The following EPG5 variants were observed in gnomAD, a reference collection of about 807,000 sequenced individuals.
EPG5 encodes ectopic P-granules 5 autophagy tethering factor.
A neutral mutation model predicts 302.7 loss-of-function variants in EPG5; 159 were observed. The ratio of observed to expected loss-of-function variants is 0.53; its 90% CI spans 0.46 to 0.60. The LOEUF (loss-of-function observed/expected upper bound fraction) is 0.60. Ranked by LOEUF, EPG5 falls within the 20% of genes least tolerant of loss-of-function variation. EPG5 has a pLI of 0.00. For synonymous variants in EPG5, 1,158 were observed against 1,136.8 expected (o/e 1.02, Z -0.37); for missense variants, 2,896 against 3,092.4 (o/e 0.94, Z 1.51).
chr18:45,912,180 T>C, intron 22 of EPG5, 110 bp downstream of exon 22: 2 of 1,012,760 alleles, frequency 2.0e-6, no homozygotes, highest in Admixed American at 3.1e-5. Context: ...TCACCAGAGA[T>C]CACCAAAGAA....
At chr18:45,933,948 A>G (rs544483026) in intron 11 of EPG5, among the ~76,000 whole-genome samples, 2 of 152,144 alleles carry the variant, frequency 1.3e-5, no homozygotes, top group African/African-American at 4.8e-5. Flanking sequence ...TACAACATAC[A>G]TCTAATTAAA....
At chr18:45,844,142 T>C (rs1338332190), downstream of EPG5, 1 of 151,794 alleles carries the variant, frequency 6.6e-6, no homozygotes, top group Non-Finnish European at 1.5e-5. Context: ...GCAGCCATTA[T>C]GTTAAGGGAA....
At chr18:45,858,445 C>T (rs2048562943) in intron 41 of EPG5, 121 bp downstream of exon 41, 1 of 721,748 alleles carries the variant, frequency 1.4e-6, no homozygotes, top group African/African-American at 1.8e-5. Flanking sequence ...TGTCACCATA[C>T]CTTAAAACCT....
chr18:45,965,326 T>TAA (rs1403533831), intron 1 of EPG5, among the ~76,000 whole-genome samples: 1 of 151,928 alleles, frequency 6.6e-6, no homozygotes, highest in Non-Finnish European at 1.5e-5. Context: ...AAGGGAAGGA[T>TAA]AAAAAAACCA....
Position 45,965,001 on chromosome 18 carries a change from T to C in EPG5, c.63+2176A>G, listed in dbSNP as rs116571987. 6.9e-3 allele frequency among the ~76,000 whole-genome samples: 1,057 copies of C among 152,166 alleles called. 10 individuals carry two copies. The highest frequency in any genetic ancestry group is 0.024 in the African/African-American group (994 of 41,514). ...GAAATTTGGTACCAAAATGACTTTC[T>C]CACCAGAATAACTCCTCACAGACCT... is the stretch of plus-strand genomic sequence containing the variant. On this transcript the variant is annotated intron_variant, in intron 1 of 43. Transcript: ENST00000282041.
chr18:45,921,470 C>A (rs1260531656), intron 16 of EPG5, among the ~76,000 whole-genome samples: 1 of 152,198 alleles, frequency 6.6e-6, no homozygotes. Flanking sequence ...TTATTTACTG[C>A]ACCAGATATA....
chr18:45,958,874 T>C (rs1479717912), intron 1 of EPG5, among the ~76,000 whole-genome samples: 1 of 152,130 alleles, frequency 6.6e-6, no homozygotes, highest in East Asian at 1.9e-4. Flanking sequence ...CACCAGTTGA[T>C]CAATAAACTG....
chr18:45,897,232 A>G (rs879082908), intron 27 of EPG5, among the ~76,000 whole-genome samples: 2 of 152,188 alleles, frequency 1.3e-5, no homozygotes, highest in Admixed American at 1.3e-4. Context: ...GGCAGTAAAT[A>G]TTTACAGTTC....
At chr18:45,913,220 C>T (rs2049951270) in intron 21 of EPG5, among the ~76,000 whole-genome samples, 1 of 152,076 alleles carries the variant, frequency 6.6e-6, no homozygotes, top group African/African-American at 2.4e-5. Flanking sequence ...GCTCTGAAAC[C>T]CAAAAGCAAA....
At chr18:45,808,184 A>G in the EPG5 span, among the ~76,000 whole-genome samples, 1 of 152,172 alleles carries the variant, frequency 6.6e-6, no homozygotes, top group Non-Finnish European at 1.5e-5. Context: ...AAGACAAAGA[A>G]AAAAGATAAG....
chr18:45,957,973 C>T (rs1375780214), intron 1 of EPG5, among the ~76,000 whole-genome samples: 2 of 152,194 alleles, frequency 1.3e-5, no homozygotes, highest in African/African-American at 4.8e-5. Context: ...AGGCATTTGA[C>T]TTTGTGACCC....
Position 45,955,277 on chromosome 18 carries a change from G to T in EPG5, c.125C>A (p.Thr42Asn), listed in dbSNP as rs1568188600. The T allele has an allele frequency of 6.2e-7, 1 of 1,613,824 alleles. No individual in the cohort carries two copies. Among genetic ancestry groups the T allele is most frequent in the South Asian group, 1.1e-5 (1 of 91,026 alleles). Residue 42 changes from threonine (T) to asparagine (N), a missense_variant, in exon 2 of 44, where the codon ACC becomes AAC. Around this residue, in one of 5 missense-constraint regions of EPG5, gnomAD observed 1,390 missense variants for 1,430.0 expected, o/e 0.97. Coordinates refer to ENST00000282041, the MANE Select transcript of EPG5 (RefSeq NM_020964.3). Reference protein sequence around the residue: ...EESSEVSLPKTSREQEIPSLA... With the variant: ...EESSEVSLPKNSREQEIPSLA... ...AGAAGGGATTTCCTGCTCTCTGGAGGTTTTTGGAAGGGAGACTTCACTGGA... is the reference window on the plus strand; with the variant it reads ...AGAAGGGATTTCCTGCTCTCTGGAGTTTTTTGGAAGGGAGACTTCACTGGA...
At chr18:45,925,627 T>C in intron 14 of EPG5, 111 bp downstream of exon 14, 2 of 797,862 alleles carry the variant, frequency 2.5e-6, no homozygotes, top group South Asian at 4.1e-5. Context: ...CTACAAAGAA[T>C]TTGTAGACCT....
chr18:45,894,370 G>A (rs1044069673), intron 27 of EPG5, among the ~76,000 whole-genome samples: 1 of 152,142 alleles, frequency 6.6e-6, no homozygotes. Flanking sequence ...TGAGGCAGGA[G>A]AATTGTTTGA....
chr18:45,940,160 T>C (rs1486000311), intron 9 of EPG5, among the ~76,000 whole-genome samples: 1 of 152,128 alleles, frequency 6.6e-6, no homozygotes, highest in Non-Finnish European at 1.5e-5. Context: ...CATAAGTCTC[T>C]ATGAGAAGAG....
intron 35 of EPG5, among the ~76,000 whole-genome samples, chr18:45,875,833 T>C (rs532811334): frequency 1.3e-5 from 2 of 152,274 alleles, no homozygotes; most frequent in East Asian, 1.9e-4. Flanking sequence ...GGCGGGCAGA[T>C]AGCCTGAGCT....
At chr18:45,967,016 G>A (rs953490832) in intron 1 of EPG5, among the ~76,000 whole-genome samples, 161 bp downstream of exon 1, 3 of 152,128 alleles carry the variant, frequency 2.0e-5, no homozygotes, top group African/African-American at 7.2e-5. Context: ...TGGAGGAGAA[G>A]GGCCGGTGTC....
chr18:45,953,980 G>C (rs1257865866), intron 2 of EPG5: 1 of 953,676 alleles, frequency 1.0e-6, no homozygotes, highest in Non-Finnish European at 1.2e-6. Context: ...ATTTCAGCTG[G>C]AGACATGATT....
chr18:45,937,409 C>T (rs981094580), intron 10 of EPG5, among the ~76,000 whole-genome samples: 1 of 149,816 alleles, frequency 6.7e-6, no homozygotes, highest in Non-Finnish European at 1.5e-5. Context: ...CACACACACA[C>T]ATATATATAT....
Sources: allele counts gnomAD v4.1 joint callset (sites outside exome capture counted in the v4.1 genomes callset), GRCh38; gene constraint gnomAD v4.1.1; regional missense constraint gnomAD v4.1.1; transcripts MANE v1.5; gene names NCBI Gene and HGNC (gene_info 2026-07-23, HGNC 2026-07-21).